The following PALLD variants were observed in gnomAD, a reference collection of about 807,000 sequenced individuals.
PALLD encodes palladin, cytoskeletal associated protein.
A neutral mutation model predicts 123.5 loss-of-function variants in PALLD; 61 were observed. The observed-to-expected ratio is 0.49, with a 90% CI of 0.40 to 0.61. PALLD has a LOEUF of 0.61. Among genes scored for constraint, PALLD ranks in the 20% least tolerant of loss-of-function variants. The pLI, the probability that PALLD is intolerant of heterozygous loss-of-function variation, is 0.00. For missense variants in PALLD, 1,273 were observed against 1,377.0 expected (o/e 0.92, Z 1.20); for synonymous variants, 465 against 496.4 (o/e 0.94, Z 0.84).
At chr4:168,744,169 C>T (rs754004152) in intron 10 of PALLD, among the ~76,000 whole-genome samples, 1 of 150,576 alleles carries the variant, frequency 6.6e-6, no homozygotes, top group African/African-American at 2.5e-5. Context: ...TCCAAATAAC[C>T]GAGGAGAGAG....
intron 10 of PALLD, among the ~76,000 whole-genome samples, chr4:168,714,393 C>G (rs547434983): frequency 3.2e-4 from 49 of 152,222 alleles, no homozygotes; most frequent in African/African-American, 1.1e-3. Context: ...TTATCACAAC[C>G]TTTTCTAAAA....
chr4:168,658,973 A>C (rs544708459), intron 2 of PALLD, among the ~76,000 whole-genome samples: 42 of 152,392 alleles, frequency 2.8e-4, no homozygotes, highest in Middle Eastern at 3.4e-3. Context: ...AAATTTAGAC[A>C]ACGATTAATT....
chr4:168,896,493 C>T, intron 12 of PALLD, 56 bp from the exon 13 acceptor site: 1 of 1,011,448 alleles, frequency 9.9e-7, no homozygotes, highest in Non-Finnish European at 1.5e-6. Context: ...AGAAATCTTG[C>T]TGCATTCTTA....
chr4:168,632,684 C>G (rs574532168), intron 2 of PALLD, among the ~76,000 whole-genome samples: 2 of 152,306 alleles, frequency 1.3e-5, no homozygotes, highest in Admixed American at 1.3e-4. Context: ...CTGATGACTC[C>G]TCTACCATGG....
rs550672503 is a variant in PALLD at position 168,731,476 on chromosome 4, C to G, written c.1964+19553C>G. ...TAAGAGGGAATCGTGACAGTACCTACTTCACAGGAGTGTGGTCACGTGAAA... is the reference window on the plus strand; with the variant it reads ...TAAGAGGGAATCGTGACAGTACCTAGTTCACAGGAGTGTGGTCACGTGAAA... On this transcript the variant is annotated intron_variant, in intron 10 of 21. Coordinates refer to ENST00000505667, the MANE Select transcript of PALLD (RefSeq NM_001166108.2). 3.9e-5 allele frequency among the ~76,000 whole-genome samples: 6 copies of G among 152,352 alleles called. No individual in the cohort carries two copies. The South Asian group carries it at 1.2e-3, about 32-fold the overall frequency.
chr4:168,813,841 T>G (rs1741528219), intron 10 of PALLD, among the ~76,000 whole-genome samples: 1 of 131,070 alleles, frequency 7.6e-6, no homozygotes, highest in Admixed American at 7.8e-5. Context: ...AAATCATTCA[T>G]GAAGCTTTGG....
intron 10 of PALLD, among the ~76,000 whole-genome samples, chr4:168,817,483 G>A (rs1482407241): frequency 6.6e-6 from 1 of 152,162 alleles, no homozygotes; most frequent in Admixed American, 6.6e-5. Context: ...TAAATATGTT[G>A]ATAGTTACTG....
intron 8 of PALLD, chr4:168,700,458 C>T (rs552746366): frequency 1.3e-5 from 2 of 152,304 alleles, no homozygotes; most frequent in Non-Finnish European, 2.9e-5. Flanking sequence ...ATGAATTCTG[C>T]TCAATCAACT....
Position 168,711,483 on chromosome 4 carries a change from A to G in PALLD, c.1622-98A>G, listed in dbSNP as rs1017293256. 3.3e-6 allele frequency: 3 copies of G among 908,692 alleles called. No homozygotes were observed. The African/African-American group carries it at 4.9e-5, about 15-fold the overall frequency. The allele number at this position is 908,692 out of a possible 1,614,324, so 56.3% of individuals were successfully genotyped here. ...CAATCACCTCTTCTTTAACAACTTC[A>G]CACAACACAGGGATTCTCAGAAGAC... On this transcript the variant is annotated intron_variant, in intron 9 of 21. Coordinates refer to ENST00000505667, the MANE Select transcript of PALLD (RefSeq NM_001166108.2).
intron 10 of PALLD, among the ~76,000 whole-genome samples, chr4:168,855,089 C>CTTTTTTTTTTTTTTTTTTTTTTTTTTTT (rs11338063): frequency 9.6e-6 from 1 of 103,992 alleles, no homozygotes; most frequent in African/African-American, 3.7e-5. Flanking sequence ...AAGGAATGTT[C>CTTTTTTTTTTTTTTTTTTTTTTTTTTTT]TTTTTTTTTT....
intron 2 of PALLD, chr4:168,648,024 A>T (rs1444445012): frequency 6.6e-6 from 1 of 152,082 alleles, no homozygotes; most frequent in Non-Finnish European, 1.5e-5. Context: ...CTTTCCGTCC[A>T]CTAAGGTAGT....
rs117524387 is a variant in PALLD, at chr4:168,853,757, C to A, written c.1965-37165C>A. ...ATTTGGAGTTGATCCCAAGAGCAAG[C>A]GAAAGTCACTGGGGACAGGGAAGTC... On this transcript the variant is annotated intron_variant, in intron 10 of 21. Transcript: ENST00000505667. Among the ~76,000 whole-genome samples, 125 of 152,144 alleles carry A rather than the reference C, an allele frequency of 8.2e-4. 6 individuals are homozygous for A. In the East Asian group the frequency reaches 0.023, roughly 29 times the overall value.
At chr4:168,624,338 T>G (rs59186844) in intron 2 of PALLD, among the ~76,000 whole-genome samples, 1,541 of 152,220 alleles carry the variant, frequency 0.01, 20 homozygotes, top group African/African-American at 0.031. Context: ...AAATATATGA[T>G]CATTTCCAAA....
chr4:168,767,304 C>T lies in PALLD; in HGVS notation c.1964+55381C>T, dbSNP rs1169451267. Reference sequence around the variant, plus strand: ...CAGCCACCAGGCCCTTACACATGACCTGCTCTCCAGCCACTTCTCCCCTGT... The same window carrying T: ...CAGCCACCAGGCCCTTACACATGACTTGCTCTCCAGCCACTTCTCCCCTGT... On this transcript the variant is annotated intron_variant, in intron 10 of 21. Transcript: ENST00000505667. 2.0e-5 allele frequency among the ~76,000 whole-genome samples: 3 copies of T among 152,204 alleles called. No homozygotes were observed. The East Asian group carries it at 5.8e-4, about 29-fold the overall frequency.
intron 1 of PALLD, among the ~76,000 whole-genome samples, chr4:168,502,423 G>A (rs1019158172): frequency 2.0e-5 from 3 of 152,074 alleles, no homozygotes; most frequent in African/African-American, 7.2e-5. Flanking sequence ...TCTGACCTAT[G>A]ACTGATTTTG....
chr4:168,789,698 G>A (rs139169726), intron 10 of PALLD, among the ~76,000 whole-genome samples: 4,085 of 135,864 alleles, frequency 0.03, 176 homozygotes, highest in African/African-American at 0.1. Flanking sequence ...GCGAGACTCC[G>A]TCTCAAAAAA....
chr4:168,512,215 T>G lies in PALLD; in HGVS notation c.711T>G (p.Pro237=). The G allele has an allele frequency of 1.2e-6, 2 of 1,613,758 alleles. No individual in the cohort carries two copies. Among genetic ancestry groups the G allele is most frequent in the Non-Finnish European group, 1.7e-6 (2 of 1,179,760 alleles). ...AGATGGAAAGAGAGGTCAAGTCCCCTGGGGCCAGGCATTGCTACCAGGACA... is the reference window on the plus strand; with the variant it reads ...AGATGGAAAGAGAGGTCAAGTCCCCGGGGGCCAGGCATTGCTACCAGGACA... The part of the protein sequence containing the change: ...QGEMEREVKS[P]GARHCYQDNQ... Residue 237 remains proline, a synonymous_variant, in exon 2 of 22, where the codon CCT becomes CCG. Coordinates refer to ENST00000505667, the MANE Select transcript of PALLD (RefSeq NM_001166108.2).
At chr4:168,904,655 T>A (rs2151312709) in intron 15 of PALLD, among the ~76,000 whole-genome samples, 1 of 152,170 alleles carries the variant, frequency 6.6e-6, no homozygotes, top group Non-Finnish European at 1.5e-5. Context: ...GCAAAAGTAG[T>A]ATAAATAACA....
Position 168,761,645 on chromosome 4 carries a change from G to GTTTTTTTTTTTTTTTTTTTTTTTTTTTTT in PALLD, c.1964+49725_1964+49753dup, listed in dbSNP as rs70961555. Reference sequence around the variant, plus strand: ...CCAGCTATTTTTGTTGTTGTTGTTTGTTTTTTTTTTTTTTTTTTTTTTTTT... The same window carrying GTTTTTTTTTTTTTTTTTTTTTTTTTTTTT: ...CCAGCTATTTTTGTTGTTGTTGTTTGTTTTTTTTTTTTTTTTTTTTTTTTTTTTTTTTTTTTTTTTTTTTTTTTTTTTTT... On this transcript the variant is annotated intron_variant, in intron 10 of 21. Transcript: ENST00000505667. Among the ~76,000 whole-genome samples, 136 of 87,950 alleles carry GTTTTTTTTTTTTTTTTTTTTTTTTTTTTT rather than the reference G, an allele frequency of 1.5e-3. 23 individuals are homozygous for GTTTTTTTTTTTTTTTTTTTTTTTTTTTTT. The highest frequency in any genetic ancestry group is 1.8e-3 in the Non-Finnish European group (81 of 45,130). 57.7% of individuals were successfully genotyped at this position (87,950 alleles called of 152,430 possible).
Sources: allele counts gnomAD v4.1 joint callset (sites outside exome capture counted in the v4.1 genomes callset), GRCh38; gene constraint gnomAD v4.1.1; transcripts MANE v1.5; gene names NCBI Gene and HGNC (gene_info 2026-07-23, HGNC 2026-07-21).